The following TLE6 variants were observed in gnomAD, a reference collection of about 807,000 sequenced individuals.
TLE6 encodes the protein transducin-like enhancer protein 6.
Under a neutral mutation model 77.1 loss-of-function variants are expected in TLE6, and 72 were observed. The ratio of observed to expected loss-of-function variants is 0.93; its 90% CI spans 0.77 to 1.14. The LOEUF (loss-of-function observed/expected upper bound fraction) is 1.14. TLE6 is among the 50% of genes most tolerant of loss of function. TLE6 has a pLI of 0.00. For missense variants in TLE6, 843 were observed against 747.6 expected (o/e 1.13, Z -1.49); for synonymous variants, 366 against 287.3 (o/e 1.27, Z -2.77).
At chr19:2,993,042 A>AAC (rs1751796185) in intron 14 of TLE6, among the ~76,000 whole-genome samples, 1 of 149,904 alleles carries the variant, frequency 6.7e-6, no homozygotes, top group Admixed American at 6.6e-5. Flanking sequence ...AAAAAAAAAA[A>AAC]AAAAAAAAAA....
intron 2 of TLE6, among the ~76,000 whole-genome samples, chr19:2,978,822 GT>G (rs1180162653): frequency 6.6e-6 from 1 of 152,120 alleles, no homozygotes; most frequent in Admixed American, 6.6e-5. Flanking sequence ...TTTGGTTGAT[GT>G]TTTACAAGCA....
chr19:2,989,767 G>T lies in TLE6; in HGVS notation c.1226G>T (p.Arg409Leu). Residue 409 changes from arginine to leucine, a missense_variant, in exon 13 of 17, where the codon CGG (arginine) becomes CTG (leucine). Transcript: ENST00000246112. ...TSGVVRIWDL[R>L]DQSVVRDLKG... ...GGTGTGGTCAGGATCTGGGACCTGC[G>T]GGATCAGAGTGTGGTCAGGTGCGTT... 1 of 1,614,034 alleles carries T rather than the reference G, an allele frequency of 6.2e-7. No individual in the cohort carries two copies. Among genetic ancestry groups the T allele is most frequent in the South Asian group, 1.1e-5 (1 of 91,070 alleles).
At chr19:2,978,076 C>A (rs760241459) in intron 1 of TLE6, 122 bp from the exon 2 acceptor site, 46 of 682,822 alleles carry the variant, frequency 6.7e-5, no homozygotes, top group Non-Finnish European at 1.1e-4. Flanking sequence ...GGGAGAACCG[C>A]AGGATTGGGT....
In TLE6 at chr19:2,993,546, G is replaced by C. The variant is rs1209062970; in HGVS notation, c.1501G>C (p.Asp501His). The C allele has an allele frequency of 1.8e-5, 29 of 1,588,184 alleles. No individual in the cohort carries two copies. Among genetic ancestry groups the C allele is most frequent in the Non-Finnish European group, 2.3e-5 (27 of 1,160,526 alleles). Residue 501 changes from aspartate to histidine, a missense_variant, in exon 15 of 17, where the codon GAC (aspartate) becomes CAC (histidine). Physicochemically the swap from Asp to His is moderately conservative, Grantham distance 81. Coordinates refer to ENST00000246112, the MANE Select transcript of TLE6 (RefSeq NM_001143986.2). ...GSQRHMVGQK[D>H]SVILSVKFSP... ...CCAGCGGCACATGGTGGGGCAAAAA[G>C]ACAGCGTCATCCTGAGCGTCAAGTT... is the stretch of plus-strand genomic sequence containing the variant.
At chr19:2,989,882 C>T in intron 13 of TLE6, 97 bp downstream of exon 13, 2 of 1,525,962 alleles carry the variant, frequency 1.3e-6, no homozygotes, top group Non-Finnish European at 1.8e-6. Flanking sequence ...GCCTTCCTGC[C>T]ACCTCCTGAA....
At chr19:2,988,423 C>T (rs527904226) in intron 11 of TLE6, among the ~76,000 whole-genome samples, 13 of 152,146 alleles carry the variant, frequency 8.5e-5, no homozygotes, top group African/African-American at 2.6e-4. Context: ...GGTGAAACCC[C>T]GTCTCTACTA....
Position 2,989,061 on chromosome 19 carries a change from A to C in TLE6, c.741A>C (p.Ile247=), listed in dbSNP as rs745525575. The change falls in exon 12 of 17, where the codon ATA becomes ATC. Residue 247 remains isoleucine, a splice_region_variant and synonymous_variant. Transcript: ENST00000246112. ...PGRASRFLQS[I]SWDPEDFEDA... ...TTACCCCAAGGCCTCCCCTCCCAAG[A>C]TCCTGGGACCCTGAGGACTTTGAAG... The C allele has an allele frequency of 9.9e-6, 16 of 1,612,114 alleles. No individual in the cohort carries two copies. The highest frequency in any genetic ancestry group is 3.3e-5 in the Admixed American group (2 of 59,976).
At chr19:2,978,383 G>A (rs1269037095) in intron 2 of TLE6, 99 bp downstream of exon 2, 1 of 1,222,766 alleles carries the variant, frequency 8.2e-7, no homozygotes, top group African/African-American at 1.5e-5. Context: ...CCCCGCCCAG[G>A]CCTCGCAGCT....
chr19:2,993,468 G>A lies in TLE6; in HGVS notation c.1423G>A (p.Val475Met). Residue 475 changes from valine (V) to methionine (M), a missense_variant, in exon 15 of 17, where the codon GTG (valine) becomes ATG (methionine). By Grantham distance (21) the Val-to-Met change is conservative. Coordinates refer to ENST00000246112, the MANE Select transcript of TLE6 (RefSeq NM_001143986.2). ...SLSHSPQEDW[V>M]LLGMANGQQW... ...GTCCCACAGCCCCCAGGAGGACTGG[G>A]TGCTGCTGGGCATGGCCAATGGCCA... The A allele has an allele frequency of 6.2e-7, 1 of 1,603,744 alleles. No individual in the cohort carries two copies. Among genetic ancestry groups the A allele is most frequent in the South Asian group, 1.1e-5 (1 of 90,742 alleles).
rs1397542971 is a variant in TLE6 at position 2,993,387 on chromosome 19, C to T, written c.1387-45C>T. 2.6e-6 allele frequency: 4 copies of T among 1,560,936 alleles called. No individual in the cohort carries two copies. In the African/African-American group the frequency reaches 4.1e-5, roughly 16 times the overall value. The stretch of plus-strand genomic sequence containing the variant: ...GCTCCTGCCTGCTTCCTGGGCCAGG[C>T]TGGGACCTAACCAGGTTCCTCCCTC... On this transcript the variant is annotated intron_variant, in intron 14 of 16. Coordinates refer to ENST00000246112, the MANE Select transcript of TLE6 (RefSeq NM_001143986.2).
rs971949593 is a variant in TLE6 at position 2,978,175 on chromosome 19, C to T, written c.-36-23C>T. On this transcript the variant is annotated intron_variant, in intron 1 of 16. Transcript: ENST00000246112. ...TGCCTTATTTTCTGTCCCTCAAGAC[C>T]TGCCGTCTCCTTGTTGTTTTAGACT... The T allele has an allele frequency of 1.0e-5, 16 of 1,527,118 alleles. No individual in the cohort carries two copies. The East Asian group carries it at 1.2e-4, about 12-fold the overall frequency. The allele number at this position is 1,527,118 out of a possible 1,614,324, so 94.6% of individuals were successfully genotyped here. A position where few individuals can be genotyped will look rare whatever the true frequency, so the allele number is the denominator to read the frequency against.
At chr19:2,991,497 C>T (rs2089063411) in intron 13 of TLE6, among the ~76,000 whole-genome samples, 1 of 150,212 alleles carries the variant, frequency 6.7e-6, no homozygotes, top group South Asian at 2.1e-4. Flanking sequence ...CAATGGCTGA[C>T]GTAAAATACA....
At chr19:2,979,453 C>T (rs2088750302) in intron 2 of TLE6, among the ~76,000 whole-genome samples, 2 of 151,026 alleles carry the variant, frequency 1.3e-5, no homozygotes, top group African/African-American at 4.9e-5. Flanking sequence ...TGCTGAGTTG[C>T]CCAGGGTTGT....
rs758652025 is a variant in TLE6, at chr19:2,994,855, T to C, written c.1615-45T>C. 4 of 1,124,562 alleles carry C rather than the reference T, an allele frequency of 3.6e-6. No individual in the cohort carries two copies. In the South Asian group the frequency reaches 5.3e-5, roughly 15 times the overall value. The allele number at this position is 1,124,562 out of a possible 1,614,324, so 69.7% of individuals were successfully genotyped here. A position where few individuals can be genotyped will look rare whatever the true frequency, so the allele number is the denominator to read the frequency against. ...TGAGCTGACAGGTGGAGACCAGGGG[T>C]GTGTGAGCCCTACCCCAGCTCACTG... On this transcript the variant is annotated intron_variant, in intron 16 of 16. Coordinates refer to ENST00000246112, the MANE Select transcript of TLE6 (RefSeq NM_001143986.2).
At chr19:2,991,578 G>C (rs2089065713) in intron 13 of TLE6, among the ~76,000 whole-genome samples, 2 of 150,820 alleles carry the variant, frequency 1.3e-5, no homozygotes, top group Non-Finnish European at 3.0e-5. Context: ...CTCAGAGCTC[G>C]GGTGGACTCA....
At position 2,991,376 on chromosome 19, in the gene TLE6, GTATATA is replaced by G. The variant is rs369766984; in HGVS notation, c.1245-452_1245-447del. On this transcript the variant is annotated intron_variant, in intron 13 of 16. Coordinates refer to ENST00000246112, the MANE Select transcript of TLE6 (RefSeq NM_001143986.2). ...TCCATTTCAAAAAAAAAAAAAATACGTATATATATATATATATATACACACACACAC... is the reference window on the plus strand; with the variant it reads ...TCCATTTCAAAAAAAAAAAAAATACGTATATATATATATACACACACACAC... 9.8e-3 allele frequency among the ~76,000 whole-genome samples: 1,039 copies of G among 105,496 alleles called. 16 individuals carry two copies. Among genetic ancestry groups the G allele is most frequent in the African/African-American group, 0.034 (942 of 27,658 alleles). The allele number at this position is 105,496 out of a possible 152,430, so 69.2% of individuals were successfully genotyped here.
chr19:2,989,122 T>A lies in TLE6; in HGVS notation c.802T>A (p.Ser268Thr), dbSNP rs199719687. 1.0e-4 allele frequency: 169 copies of A among 1,614,116 alleles called. 1 individual carries two copies. Among genetic ancestry groups the A allele is most frequent in the Non-Finnish European group, 1.0e-5 (12 of 1,180,048 alleles). Reference sequence around the variant, plus strand: ...GAGGCCAGATGCCTTGCCCGGGCAGTCAAAGAGACTCGCCGTCCCGTGCAA... The same window carrying A: ...GAGGCCAGATGCCTTGCCCGGGCAGACAAAGAGACTCGCCGTCCCGTGCAA... ...WKRPDALPGQSKRLAVPCKLE... is the reference protein window; with the variant it reads ...WKRPDALPGQTKRLAVPCKLE... The change falls in exon 12 of 17, where the codon TCA becomes ACA. Residue 268 changes from serine (S) to threonine (T), a missense_variant. Transcript: ENST00000246112.
chr19:2,980,964 T>C (rs2088785861), intron 3 of TLE6, among the ~76,000 whole-genome samples: 1 of 151,312 alleles, frequency 6.6e-6, no homozygotes, highest in African/African-American at 2.4e-5. Context: ...GGCAGGAGGA[T>C]CATCTGAGCC....
At chr19:2,989,416 A>C in intron 12 of TLE6, 103 bp downstream of exon 12, 1 of 1,577,278 alleles carries the variant, frequency 6.3e-7, no homozygotes, top group Middle Eastern at 1.8e-4. Context: ...GCTTCCAGGG[A>C]AAAGGGGCAT....
Sources: gnomAD v4.1 joint callset for allele counts (sites outside exome capture counted in the v4.1 genomes callset) on GRCh38, gnomAD v4.1.1 for gene constraint, MANE v1.5 for transcripts, NCBI Gene and HGNC (gene_info 2026-07-23, HGNC 2026-07-21) for gene names.